The following FBXL7 variants were observed in gnomAD, a reference collection of about 807,000 sequenced individuals.
FBXL7 encodes the protein F-box and leucine rich repeat protein 7, also known as F-box/LRR-repeat protein 7.
FBXL7 carries 12 observed loss-of-function variants against 38.3 expected under a neutral mutation model. That is an observed-to-expected ratio of 0.31 (90% CI 0.20 to 0.51). FBXL7 has a LOEUF of 0.51. Among genes scored for constraint, FBXL7 ranks in the 20% least tolerant of loss-of-function variants. The pLI is 0.98. For synonymous variants in FBXL7, 297 were observed against 300.9 expected (o/e 0.99, Z 0.13); for missense variants, 567 against 676.4 (o/e 0.84, Z 1.79).
chr5:15,845,627 T>G (rs191280954), intron 2 of FBXL7, among the ~76,000 whole-genome samples: 1 of 152,032 alleles, frequency 6.6e-6, no homozygotes, highest in African/African-American at 2.4e-5. Context: ...TATCATTACT[T>G]AACTTCTTTT....
At chr5:15,545,072 T>G (rs1737861810) in intron 1 of FBXL7, among the ~76,000 whole-genome samples, 1 of 152,234 alleles carries the variant, frequency 6.6e-6, no homozygotes, top group Non-Finnish European at 1.5e-5. Context: ...CCTGCCTTAT[T>G]GTTTCTGATC....
rs558088034 is a variant in FBXL7, at chr5:15,784,959, A to G, written c.128-142931A>G. Among the ~76,000 whole-genome samples the G allele has an allele frequency of 1.3e-3, 204 of 152,336 alleles. 1 individual carries two copies. Among genetic ancestry groups the G allele is most frequent in the African/African-American group, 4.4e-3 (181 of 41,576 alleles). Reference sequence around the variant, plus strand: ...GTGTATGTGTTCATATGTCACTGCCATCATTTTTAAAGGTATTCCTTTTCT... The same window carrying G: ...GTGTATGTGTTCATATGTCACTGCCGTCATTTTTAAAGGTATTCCTTTTCT... On this transcript the variant is annotated intron_variant, in intron 2 of 3. Transcript: ENST00000504595.
chr5:15,661,415 T>A (rs1030209613), intron 2 of FBXL7, among the ~76,000 whole-genome samples: 4 of 152,170 alleles, frequency 2.6e-5, no homozygotes, highest in Admixed American at 6.6e-5. Context: ...TATGGTTAGC[T>A]AAAACTTCTG....
Position 15,918,087 on chromosome 5 carries a change from A to C in FBXL7, c.128-9803A>C, listed in dbSNP as rs534670763. On this transcript the variant is annotated intron_variant, in intron 2 of 3. Coordinates refer to ENST00000504595, the MANE Select transcript of FBXL7 (RefSeq NM_012304.5). ...AACCCCATCTCTACAAAAAATACAAAAATTAGCTGGGCATGGTGGTGTGCG... is the reference window on the plus strand; with the variant it reads ...AACCCCATCTCTACAAAAAATACAACAATTAGCTGGGCATGGTGGTGTGCG... Among the ~76,000 whole-genome samples the C allele has an allele frequency of 1.4e-4, 22 of 152,120 alleles. 1 individual carries two copies. The East Asian group carries it at 4.3e-3, about 30-fold the overall frequency.
At position 15,673,543 on chromosome 5, in the gene FBXL7, TCCAAATGAATTTTG is replaced by T. The variant is rs546454037; in HGVS notation, c.127+57472_127+57485del. ...CACATTTTTAAGCAGGCGTTATTCTTCCAAATGAATTTTGTCCTTTGGAGTGGTCACATGGTAAG... is the reference window on the plus strand; with the variant it reads ...CACATTTTTAAGCAGGCGTTATTCTTTCCTTTGGAGTGGTCACATGGTAAG... On this transcript the variant is annotated intron_variant, in intron 2 of 3. Transcript: ENST00000504595. Among the ~76,000 whole-genome samples the T allele has an allele frequency of 2.0e-5, 3 of 152,264 alleles. No homozygotes were observed. In the East Asian group the frequency reaches 5.8e-4, roughly 29 times the overall value.
chr5:15,771,637 C>T (rs1661663900), intron 2 of FBXL7, among the ~76,000 whole-genome samples: 1 of 152,066 alleles, frequency 6.6e-6, no homozygotes, highest in South Asian at 2.1e-4. Context: ...CTGGGTGCTA[C>T]TCAATGTAGG....
intron 2 of FBXL7, among the ~76,000 whole-genome samples, chr5:15,841,854 A>G (rs889714800): frequency 6.6e-6 from 1 of 152,202 alleles, no homozygotes; most frequent in Admixed American, 6.5e-5. Flanking sequence ...CATATCAAGA[A>G]TTGAGGTTTG....
chr5:15,509,809 G>A (rs1193812609), intron 1 of FBXL7, among the ~76,000 whole-genome samples: 2 of 152,222 alleles, frequency 1.3e-5, no homozygotes, highest in Non-Finnish European at 1.5e-5. Context: ...GCAAATGGGC[G>A]GAAAAACCTG....
At chr5:15,778,422 T>C (rs1736911713) in intron 2 of FBXL7, among the ~76,000 whole-genome samples, 1 of 152,092 alleles carries the variant, frequency 6.6e-6, no homozygotes, top group South Asian at 2.1e-4. Context: ...CAACGCTGGG[T>C]GCACAATTAA....
At chr5:15,912,519 C>G (rs1294590668) in intron 2 of FBXL7, among the ~76,000 whole-genome samples, 1 of 149,748 alleles carries the variant, frequency 6.7e-6, no homozygotes, top group Non-Finnish European at 1.5e-5. Context: ...TAGACCGGAG[C>G]TGTTCCTATT....
intron 2 of FBXL7, among the ~76,000 whole-genome samples, chr5:15,722,423 A>G (rs1267560513): frequency 1.3e-5 from 2 of 152,140 alleles, no homozygotes; most frequent in African/African-American, 2.4e-5. Flanking sequence ...TCCAGCTACT[A>G]CAAGTTGTTA....
At chr5:15,739,342 C>T (rs80095958) in intron 2 of FBXL7, among the ~76,000 whole-genome samples, 13,639 of 152,190 alleles carry the variant, frequency 0.09, 744 homozygotes, top group South Asian at 0.15. Context: ...TCACCTCAAC[C>T]AGATATTAAG....
At chr5:15,740,873 A>G (rs371144419) in intron 2 of FBXL7, among the ~76,000 whole-genome samples, 3 of 152,232 alleles carry the variant, frequency 2.0e-5, no homozygotes, top group Non-Finnish European at 2.9e-5. Flanking sequence ...GATGTATCCA[A>G]ATTCCCTAAT....
chr5:15,500,790 G>A (rs1736468083), intron 1 of FBXL7, 77 bp downstream of exon 1: 2 of 1,553,406 alleles, frequency 1.3e-6, no homozygotes, highest in Non-Finnish European at 1.8e-6. Context: ...ACTGGGAAGG[G>A]AGGTTCTCGC....
chr5:15,851,648 A>G (rs1245762868), intron 2 of FBXL7, among the ~76,000 whole-genome samples: 2 of 152,122 alleles, frequency 1.3e-5, no homozygotes, highest in Admixed American at 1.3e-4. Flanking sequence ...ATTATTTTCC[A>G]TGTCTCTTTG....
At chr5:15,920,198 A>G (rs1741701433) in intron 2 of FBXL7, among the ~76,000 whole-genome samples, 1 of 152,058 alleles carries the variant, frequency 6.6e-6, no homozygotes, top group Admixed American at 6.6e-5. Context: ...CGGAGGTTGC[A>G]GTGAGCCAAG....
intron 2 of FBXL7, among the ~76,000 whole-genome samples, chr5:15,740,485 CA>C: frequency 6.6e-6 from 1 of 152,132 alleles, no homozygotes; most frequent in Admixed American, 6.5e-5. Flanking sequence ...CATTCAGGCA[CA>C]GAGCTCTTTA....
At chr5:15,698,128 A>T (rs182030889) in intron 2 of FBXL7, among the ~76,000 whole-genome samples, 1 of 152,332 alleles carries the variant, frequency 6.6e-6, no homozygotes, top group East Asian at 1.9e-4. Flanking sequence ...GGGAAGAGGG[A>T]TAGAGGAGTT....
intron 2 of FBXL7, among the ~76,000 whole-genome samples, chr5:15,716,009 G>A (rs1744033069): frequency 1.3e-5 from 2 of 152,194 alleles, no homozygotes; most frequent in East Asian, 1.9e-4. Context: ...GCTTGATTTG[G>A]TCCAGAGAAA....
Sources: allele counts gnomAD v4.1 joint callset (sites outside exome capture counted in the v4.1 genomes callset), GRCh38; gene constraint gnomAD v4.1.1; transcripts MANE v1.5; gene names NCBI Gene and HGNC (gene_info 2026-07-23, HGNC 2026-07-21).